The following DOCK1 variants were observed in gnomAD, a reference collection of about 807,000 sequenced individuals.
The protein encoded by DOCK1 is dedicator of cytokinesis protein 1.
A neutral mutation model predicts 262.7 loss-of-function variants in DOCK1; 138 were observed. The observed-to-expected ratio is 0.53, with a 90% CI of 0.46 to 0.61. The LOEUF is 0.61. Among genes scored for constraint, DOCK1 ranks in the 20% least tolerant of loss-of-function variants. The pLI is 0.00. For missense variants in DOCK1, 1,908 were observed against 2,370.7 expected, an observed-to-expected ratio of 0.80 and a Z score of 4.05; for synonymous variants, 866 against 867.4, an observed-to-expected ratio of 1.00 and a Z score of 0.03.
chr10:127,424,179 T>C (rs560869332), intron 46 of DOCK1, among the ~76,000 whole-genome samples: 71 of 152,336 alleles, frequency 4.7e-4, no homozygotes, highest in African/African-American at 1.7e-3. Context: ...AGTAGACATA[T>C]AACAGGGAAC....
chr10:126,948,846 T>G (rs1302222053), intron 1 of DOCK1, among the ~76,000 whole-genome samples: 1 of 152,052 alleles, frequency 6.6e-6, no homozygotes, highest in Non-Finnish European at 1.5e-5. Flanking sequence ...CCTATGCCTT[T>G]CCTGAGGTTG....
chr10:127,451,546 A>G lies in DOCK1; in HGVS notation c.*119A>G. The stretch of plus-strand genomic sequence containing the variant: ...GCCTGTGATGTTAACATTTCGTGCG[A>G]CTGCTTTTTCTTCAAAGGAGTTCAG... On this transcript the variant is annotated 3_prime_UTR_variant, in exon 52 of 52. Transcript: ENST00000623213. 3 of 1,518,216 alleles carry G rather than the reference A, an allele frequency of 2.0e-6. No homozygotes were observed. The highest frequency in any genetic ancestry group is 2.6e-6 in the Non-Finnish European group (3 of 1,133,954). The allele number at this position is 1,518,216 out of a possible 1,614,324, so 94.0% of individuals were successfully genotyped here. A position where few individuals can be genotyped will look rare whatever the true frequency, so the allele number is the denominator to read the frequency against.
intron 1 of DOCK1, among the ~76,000 whole-genome samples, chr10:126,959,161 T>A (rs1031139659): frequency 0.059 from 8,990 of 152,202 alleles, 304 homozygotes; most frequent in African/African-American, 0.078. Flanking sequence ...TGGAGACCAA[T>A]GTTCTTTTGA....
At chr10:127,030,148 A>G (rs181076802) in intron 16 of DOCK1, among the ~76,000 whole-genome samples, 1 of 152,160 alleles carries the variant, frequency 6.6e-6, no homozygotes, top group East Asian at 1.9e-4. Context: ...AAATATTTTG[A>G]GCCGTGGACT....
At position 126,905,522 on chromosome 10, in the gene DOCK1, C is replaced by T. The variant is rs1036873070; in HGVS notation, c.5C>T (p.Thr2Met). 1.1e-5 allele frequency: 6 copies of T among 526,758 alleles called. No individual in the cohort carries two copies. Among genetic ancestry groups the T allele is most frequent in the Non-Finnish European group, 2.1e-5 (6 of 288,448 alleles). 32.6% of individuals were successfully genotyped at this position (526,758 alleles called of 1,614,324 possible). A position where few individuals can be genotyped will look rare whatever the true frequency, so the allele number is the denominator to read the frequency against. The change falls in exon 1 of 52, where the codon ACG becomes ATG. Residue 2 changes from threonine (T) to methionine (M), a missense_variant. By Grantham distance (81) the Thr-to-Met change is moderately conservative. Around this residue, in one of 9 missense-constraint regions of DOCK1, gnomAD observed 227 missense variants for 254.1 expected, o/e 0.89. Coordinates refer to ENST00000623213, the MANE Select transcript of DOCK1 (RefSeq NM_001290223.2). M[T>M]RWVPTKREEK... The stretch of plus-strand genomic sequence containing the variant: ...CGCGGCGGCTCCGGCGGCGCCATGA[C>T]GCGCTGGGTGCCCACCAAGCGCGAG...
At chr10:127,094,046 A>G (rs1851879953) in intron 23 of DOCK1, among the ~76,000 whole-genome samples, 1 of 151,940 alleles carries the variant, frequency 6.6e-6, no homozygotes, top group South Asian at 2.1e-4. Context: ...CATTATTCCT[A>G]AAGTTCCTAC....
chr10:127,335,643 G>T (rs1193877384), intron 29 of DOCK1, among the ~76,000 whole-genome samples: 2 of 151,698 alleles, frequency 1.3e-5, no homozygotes, highest in African/African-American at 4.8e-5. Flanking sequence ...TGCCTCCCGG[G>T]TTCCAGTGAT....
chr10:127,140,509 C>G (rs933898364), intron 27 of DOCK1, among the ~76,000 whole-genome samples: 2 of 152,182 alleles, frequency 1.3e-5, no homozygotes, highest in African/African-American at 4.8e-5. Context: ...TGGGATGACG[C>G]CCGTGCACCA....
chr10:127,129,894 G>A (rs556443725), intron 27 of DOCK1, among the ~76,000 whole-genome samples: 3 of 152,032 alleles, frequency 2.0e-5, no homozygotes, highest in African/African-American at 4.8e-5. Context: ...GGGGAGCATG[G>A]TTCTGCCTGT....
chr10:126,950,479 T>G (rs2036115634), intron 1 of DOCK1, among the ~76,000 whole-genome samples: 1 of 152,110 alleles, frequency 6.6e-6, no homozygotes, highest in African/African-American at 2.4e-5. Flanking sequence ...TCATCTTGTC[T>G]CAAGGGCTTT....
intron 17 of DOCK1, 151 bp from the exon 18 acceptor site, chr10:127,031,986 T>C: frequency 9.5e-7 from 1 of 1,049,600 alleles, no homozygotes; most frequent in Non-Finnish European, 1.4e-6. Flanking sequence ...TGAATTATGC[T>C]GCAGTAATAA....
chr10:126,913,482 C>A (rs577854708), intron 1 of DOCK1, among the ~76,000 whole-genome samples: 1 of 152,212 alleles, frequency 6.6e-6, no homozygotes, highest in Non-Finnish European at 1.5e-5. Context: ...GTCCTCCACT[C>A]GCACCTTGCG....
At chr10:127,004,772 A>G (rs12776399) in intron 10 of DOCK1, among the ~76,000 whole-genome samples, 4 of 15,012 alleles carry the variant, frequency 2.7e-4, no homozygotes, top group African/African-American at 4.7e-4. Flanking sequence ...CTGCCCCGCC[A>G]CCCCCCCGCC....
intron 3 of DOCK1, among the ~76,000 whole-genome samples, chr10:126,978,465 A>G (rs1196990466): frequency 1.3e-5 from 2 of 152,188 alleles, no homozygotes; most frequent in African/African-American, 2.4e-5. Context: ...CTCCTAGAGC[A>G]GTTTGCATGA....
intron 4 of DOCK1, among the ~76,000 whole-genome samples, chr10:126,984,595 C>A (rs940511202): frequency 2.6e-5 from 4 of 151,656 alleles, no homozygotes; most frequent in Admixed American, 1.3e-4. Flanking sequence ...TCTTGAACTT[C>A]TGACCTTAAG....
At chr10:127,286,858 C>CTTTTTTTCTTTT (rs1049330900) in intron 29 of DOCK1, among the ~76,000 whole-genome samples, 8 of 150,454 alleles carry the variant, frequency 5.3e-5, no homozygotes, top group African/African-American at 1.5e-4. Flanking sequence ...GACACCCCTA[C>CTTTTTTTCTTTT]TTTTTTTCTT....
intron 29 of DOCK1, among the ~76,000 whole-genome samples, chr10:127,326,202 T>G (rs1045579076): frequency 7.9e-5 from 12 of 152,180 alleles, no homozygotes; most frequent in African/African-American, 2.7e-4. Flanking sequence ...AAGGCAACAG[T>G]GAAATTTGCC....
rs76506410 is a variant in DOCK1 at position 127,054,248 on chromosome 10, G to A, written c.2336+1433G>A. Among the ~76,000 whole-genome samples the A allele has an allele frequency of 3.8e-3, 586 of 152,298 alleles. 1 individual carries two copies. The highest frequency in any genetic ancestry group is 0.013 in the African/African-American group (552 of 41,572). ...AGGACAAAGCAACAAGTTATTGACTGTGTGTTGACCTATCAGAGTCATAAA... is the reference window on the plus strand; with the variant it reads ...AGGACAAAGCAACAAGTTATTGACTATGTGTTGACCTATCAGAGTCATAAA... On this transcript the variant is annotated intron_variant, in intron 22 of 51. Transcript: ENST00000623213.
intron 27 of DOCK1, among the ~76,000 whole-genome samples, chr10:127,202,639 C>T (rs2057524430): frequency 6.6e-6 from 1 of 152,174 alleles, no homozygotes; most frequent in African/African-American, 2.4e-5. Context: ...CTTCCCCAAG[C>T]CCTGACTGAA....
Sources: allele counts gnomAD v4.1 joint callset (sites outside exome capture counted in the v4.1 genomes callset), GRCh38; gene constraint gnomAD v4.1.1; regional missense constraint gnomAD v4.1.1; transcripts MANE v1.5; gene names NCBI Gene and HGNC (gene_info 2026-07-23, HGNC 2026-07-21).